Variants in CFAP77 observed in about 807,000 individuals in gnomAD.
CFAP77 encodes cilia and flagella associated protein 77.
In CFAP77, 25 loss-of-function variants were observed where a neutral mutation model predicts 31.1. That is an observed-to-expected ratio of 0.80 (90% CI 0.59 to 1.12). CFAP77 has a LOEUF of 1.12. CFAP77 is among the 50% of genes most tolerant of loss of function. The probability of loss-of-function intolerance (pLI) is 0.00; values close to 1 mark genes in which losing one functional copy is unlikely to be tolerated. For missense variants in CFAP77, 377 were observed against 397.3 expected, an observed-to-expected ratio of 0.95 and a Z score of 0.44; for synonymous variants, 151 against 159.9, an observed-to-expected ratio of 0.94 and a Z score of 0.42.
intron 1 of CFAP77, among the ~76,000 whole-genome samples, chr9:132,488,017 T>C (rs549363854): frequency 7.9e-5 from 12 of 152,324 alleles, no homozygotes; most frequent in Admixed American, 1.3e-4. Flanking sequence ...GGTCTAGCTA[T>C]ATACAGATAT....
At chr9:132,414,950 G>A (rs745529613) in intron 1 of CFAP77, among the ~76,000 whole-genome samples, 21 of 152,136 alleles carry the variant, frequency 1.4e-4, no homozygotes, top group Admixed American at 2.6e-4. Context: ...ATAAAGGCAC[G>A]GAGAGGGACC....
At chr9:132,464,584 C>A (rs1366187422) in intron 1 of CFAP77, among the ~76,000 whole-genome samples, 2 of 152,206 alleles carry the variant, frequency 1.3e-5, no homozygotes, top group African/African-American at 4.8e-5. Context: ...AAAATACTAT[C>A]AGTGCAATGT....
At chr9:132,416,487 T>A (rs1850102068) in intron 1 of CFAP77, among the ~76,000 whole-genome samples, 4 of 151,750 alleles carry the variant, frequency 2.6e-5, no homozygotes, top group Non-Finnish European at 5.9e-5. Flanking sequence ...ATTACAGGCA[T>A]GTGCCACCAC....
intron 1 of CFAP77, among the ~76,000 whole-genome samples, chr9:132,430,723 C>A (rs1229377140): frequency 6.6e-6 from 1 of 152,142 alleles, no homozygotes; most frequent in African/African-American, 2.4e-5. Flanking sequence ...TAACAGAAAA[C>A]TTGTTCCTCT....
At position 132,424,935 on chromosome 9, in the gene CFAP77, C is replaced by T. The variant is rs534437294; in HGVS notation, c.195+14469C>T. 2.0e-5 allele frequency among the ~76,000 whole-genome samples: 3 copies of T among 152,274 alleles called. No homozygotes were observed. Among genetic ancestry groups the T allele is most frequent in the South Asian group, 2.1e-4 (1 of 4,818 alleles). On this transcript the variant is annotated intron_variant, in intron 1 of 5. Coordinates refer to ENST00000393216, the MANE Select transcript of CFAP77 (RefSeq NM_001282957.2). This position sits in a 1 kb window ranked among gnomAD's most constrained non-coding sequence, Gnocchi z 4.1. ...AGAGAGCAAATTGTTATCAGATTAG[C>T]GCCAGCAATGAAAAGCACAGTCCCG...
intron 1 of CFAP77, among the ~76,000 whole-genome samples, chr9:132,432,765 G>A (rs1162916247): frequency 6.6e-6 from 1 of 152,090 alleles, no homozygotes; most frequent in Non-Finnish European, 1.5e-5. Context: ...CTGGGCTGGA[G>A]TGCAGTGGCG....
rs1245016247 is a variant in CFAP77 at position 132,451,812 on chromosome 9, T to TTC, written c.195+41347_195+41348insCT. 2.0e-5 allele frequency among the ~76,000 whole-genome samples: 3 copies of TTC among 151,312 alleles called. No individual in the cohort carries two copies. The East Asian group carries it at 5.8e-4, about 29-fold the overall frequency. ...TTCTTTTTTCTTTTTCTTTTCTTTT[T>TTC]TTTTTTTTTCCAGAAGGAGTCTCAC... On this transcript the variant is annotated intron_variant, in intron 1 of 5. Coordinates refer to ENST00000393216, the MANE Select transcript of CFAP77 (RefSeq NM_001282957.2).
intron 1 of CFAP77, among the ~76,000 whole-genome samples, chr9:132,489,743 G>T (rs2118934402): frequency 6.6e-6 from 1 of 152,254 alleles, no homozygotes; most frequent in African/African-American, 2.4e-5. Context: ...GCACATTCCA[G>T]TTTGCGACCT....
rs746840804 is a variant in CFAP77, at chr9:132,516,944, G to A, written c.524+17344G>A. On this transcript the variant is annotated intron_variant, in intron 3 of 5. Coordinates refer to ENST00000393216, the MANE Select transcript of CFAP77 (RefSeq NM_001282957.2). Reference sequence around the variant, plus strand: ...CAGCCATGGAAGTCACTTGACAGTCGGACAGCCACGTCATTCAGGAAGCCC... The same window carrying A: ...CAGCCATGGAAGTCACTTGACAGTCAGACAGCCACGTCATTCAGGAAGCCC... 1.2e-3 allele frequency among the ~76,000 whole-genome samples: 189 copies of A among 152,252 alleles called. 2 individuals carry two copies. The highest frequency in any genetic ancestry group is 0.01 in the Middle Eastern group (3 of 294).
At chr9:132,531,266 T>C (rs1270600554) in intron 3 of CFAP77, among the ~76,000 whole-genome samples, 1 of 152,232 alleles carries the variant, frequency 6.6e-6, no homozygotes, top group Non-Finnish European at 1.5e-5. Flanking sequence ...AGAGCAGCAC[T>C]GTGCCAGTTC....
intron 1 of CFAP77, among the ~76,000 whole-genome samples, chr9:132,411,127 C>G (rs914787993): frequency 6.6e-6 from 1 of 152,232 alleles, no homozygotes; most frequent in African/African-American, 2.4e-5. Context: ...GCCTCGCTTC[C>G]CGCTGATGGG....
At position 132,554,327 on chromosome 9, in the gene CFAP77, A is replaced by G. The variant is rs1852863988; in HGVS notation, c.732+11280A>G. Among the ~76,000 whole-genome samples, 1 of 151,992 alleles carries G rather than the reference A, an allele frequency of 6.6e-6. No individual in the cohort carries two copies. Among genetic ancestry groups the G allele is most frequent in the African/African-American group, 2.4e-5 (1 of 41,374 alleles). ...TACACTTTTCTTCAGACTATGCTTT[A>G]TGCAACCCTTATTTTTATTTTATTT... On this transcript the variant is annotated intron_variant, in intron 5 of 5. Transcript: ENST00000393216. The surrounding 1 kb of genome is among the most constrained non-coding windows in gnomAD (Gnocchi z 4.1).
At chr9:132,533,808 G>T (rs1240016640) in intron 3 of CFAP77, among the ~76,000 whole-genome samples, 1 of 152,154 alleles carries the variant, frequency 6.6e-6, no homozygotes, top group Non-Finnish European at 1.5e-5. Context: ...TCGAACCCAG[G>T]AGGTGGAGGT....
At chr9:132,486,079 TATATATATA>T (rs1851548394) in intron 1 of CFAP77, among the ~76,000 whole-genome samples, 1 of 21,684 alleles carries the variant, frequency 4.6e-5, no homozygotes, top group Non-Finnish European at 7.6e-5. Flanking sequence ...TATATATATA[TATATATATA>T]TATTTTTTTT....
chr9:132,435,752 C>T (rs1850495618), intron 1 of CFAP77, among the ~76,000 whole-genome samples: 1 of 152,146 alleles, frequency 6.6e-6, no homozygotes, highest in African/African-American at 2.4e-5. Context: ...CCAGCATGAC[C>T]TCACCCTTCA....
intron 1 of CFAP77, among the ~76,000 whole-genome samples, chr9:132,473,349 C>T (rs1017874117): frequency 1.3e-5 from 2 of 152,120 alleles, no homozygotes; most frequent in South Asian, 2.1e-4. Flanking sequence ...CTCATCTAAG[C>T]GCCAGACACA....
chr9:132,534,002 C>G (rs1200233841), intron 3 of CFAP77, among the ~76,000 whole-genome samples: 1 of 152,200 alleles, frequency 6.6e-6, no homozygotes, highest in Non-Finnish European at 1.5e-5. Context: ...TCCAGCATCC[C>G]TCCTAGCATA....
At chr9:132,439,978 C>T (rs1376471667) in intron 1 of CFAP77, among the ~76,000 whole-genome samples, 2 of 151,880 alleles carry the variant, frequency 1.3e-5, no homozygotes, top group African/African-American at 2.4e-5. Context: ...TCATTCTTAT[C>T]GTAGATCATC....
intron 1 of CFAP77, among the ~76,000 whole-genome samples, chr9:132,427,274 C>T (rs1356932268): frequency 6.6e-6 from 1 of 152,188 alleles, no homozygotes; most frequent in African/African-American, 2.4e-5. Context: ...TTCACGGCTT[C>T]CTTCTCAGCA....
Sources: allele counts gnomAD v4.1 joint callset (sites outside exome capture counted in the v4.1 genomes callset), GRCh38; gene constraint gnomAD v4.1.1; non-coding constraint Gnocchi (gnomAD v3.1); transcripts MANE v1.5; gene names NCBI Gene and HGNC (gene_info 2026-07-23, HGNC 2026-07-21).